The following XYLT1 variants were observed in gnomAD, a reference collection of about 807,000 sequenced individuals.
The protein encoded by XYLT1 is beta-D-xylosyltransferase 1.
Under a neutral mutation model 91.3 loss-of-function variants are expected in XYLT1, and 36 were observed. That is an observed-to-expected ratio of 0.39 (90% CI 0.30 to 0.52). The LOEUF (loss-of-function observed/expected upper bound fraction) is 0.52, where lower values mean the gene tolerates loss of function less well. Among genes scored for constraint, XYLT1 ranks in the 20% least tolerant of loss-of-function variants. XYLT1 has a pLI of 0.68. For missense variants in XYLT1, 1,242 were observed against 1,284.5 expected (o/e 0.97, Z 0.51); for synonymous variants, 588 against 532.0 (o/e 1.11, Z -1.45).
At chr16:17,462,511 C>T (rs936054186) in intron 1 of XYLT1, among the ~76,000 whole-genome samples, 3 of 152,158 alleles carry the variant, frequency 2.0e-5, no homozygotes, top group South Asian at 2.1e-4. Flanking sequence ...TGCGGGCAAA[C>T]GGGTAGTTTC....
chr16:17,131,543 G>A (rs1199432937), intron 9 of XYLT1, among the ~76,000 whole-genome samples: 2 of 152,160 alleles, frequency 1.3e-5, no homozygotes, highest in African/African-American at 4.8e-5. Context: ...AGTGATTCTA[G>A]TGCTTCGTGC....
chr16:17,421,116 A>G (rs1157991677), intron 1 of XYLT1, among the ~76,000 whole-genome samples: 1 of 152,150 alleles, frequency 6.6e-6, no homozygotes, highest in Non-Finnish European at 1.5e-5. Flanking sequence ...TTACAGCTCA[A>G]TCATTAGGAC....
At chr16:17,239,346 C>CATCT (rs2033302839) in intron 3 of XYLT1, among the ~76,000 whole-genome samples, 1 of 150,338 alleles carries the variant, frequency 6.7e-6, no homozygotes. Flanking sequence ...TCCATCCATC[C>CATCT]ACTCACCCAG....
intron 5 of XYLT1, among the ~76,000 whole-genome samples, chr16:17,172,534 T>G (rs1232037056): frequency 1.4e-5 from 2 of 144,502 alleles, no homozygotes; most frequent in African/African-American, 5.1e-5. Context: ...TGCAGTGGCG[T>G]GATCTCGGCT....
chr16:17,280,171 C>A (rs1399494723), intron 2 of XYLT1, among the ~76,000 whole-genome samples: 1 of 152,104 alleles, frequency 6.6e-6, no homozygotes. Flanking sequence ...GACAACATGG[C>A]GAAACCTCGT....
At chr16:17,328,102 G>A (rs138836860) in intron 2 of XYLT1, among the ~76,000 whole-genome samples, 264 of 152,184 alleles carry the variant, frequency 1.7e-3, no homozygotes, top group African/African-American at 6.1e-3. Flanking sequence ...CACAGAGCTC[G>A]GCTGTACAGA....
intron 9 of XYLT1, among the ~76,000 whole-genome samples, chr16:17,131,932 A>C (rs1316850975): frequency 6.6e-6 from 1 of 152,184 alleles, no homozygotes; most frequent in Non-Finnish European, 1.5e-5. Context: ...ACAGCAAGGC[A>C]CCACAGTTCC....
At chr16:17,350,185 T>C (rs151167027) in intron 2 of XYLT1, among the ~76,000 whole-genome samples, 83 of 152,294 alleles carry the variant, frequency 5.4e-4, no homozygotes, top group Non-Finnish European at 9.7e-4. Flanking sequence ...AGAGTGATCA[T>C]TTTAAGTGTT....
At chr16:17,274,372 T>C (rs894611049) in intron 2 of XYLT1, among the ~76,000 whole-genome samples, 2 of 152,158 alleles carry the variant, frequency 1.3e-5, no homozygotes, top group Non-Finnish European at 1.5e-5. Context: ...ATTTGTGACA[T>C]TGAGCAGGGC....
intron 2 of XYLT1, among the ~76,000 whole-genome samples, chr16:17,259,718 C>G (rs975865036): frequency 6.6e-6 from 1 of 152,202 alleles, no homozygotes. Flanking sequence ...AAGGCTTTTT[C>G]AAGCTCTAAA....
chr16:17,390,981 T>A (rs574519913), intron 1 of XYLT1, among the ~76,000 whole-genome samples: 1 of 152,060 alleles, frequency 6.6e-6, no homozygotes, highest in Non-Finnish European at 1.5e-5. Flanking sequence ...GAGGTTGCAG[T>A]GAGACAAGAT....
At chr16:17,229,068 C>G (rs1323273390) in intron 3 of XYLT1, among the ~76,000 whole-genome samples, 1 of 152,216 alleles carries the variant, frequency 6.6e-6, no homozygotes, top group Non-Finnish European at 1.5e-5. Context: ...CTCCCAGGCT[C>G]AAGCAATTCT....
intron 2 of XYLT1, among the ~76,000 whole-genome samples, chr16:17,339,814 T>C (rs1413055431): frequency 6.6e-6 from 1 of 152,100 alleles, no homozygotes; most frequent in Non-Finnish European, 1.5e-5. Context: ...TATCTATCTA[T>C]CCTTTTTTCC....
rs200776935 is a variant in XYLT1, at chr16:17,391,050, AC to A, written c.364-33001del. ...GAGACTCCTTCTCAAAAGAAAAAAA[AC>A]AAAAACAAACAAACAAAAAACCTGA... On this transcript the variant is annotated intron_variant, in intron 1 of 11. Coordinates refer to ENST00000261381, the MANE Select transcript of XYLT1 (RefSeq NM_022166.4). Among the ~76,000 whole-genome samples the A allele has an allele frequency of 8.0e-3, 1,214 of 152,204 alleles. 17 individuals carry two copies. The highest frequency in any genetic ancestry group is 0.027 in the African/African-American group (1,136 of 41,468).
chr16:17,202,121 C>G (rs980848651), intron 3 of XYLT1, among the ~76,000 whole-genome samples: 1 of 152,210 alleles, frequency 6.6e-6, no homozygotes, highest in African/African-American at 2.4e-5. Context: ...ACAATCCCAA[C>G]TAGAAATCTC....
intron 1 of XYLT1, among the ~76,000 whole-genome samples, chr16:17,415,790 C>A (rs890147161): frequency 6.6e-6 from 1 of 152,088 alleles, no homozygotes; most frequent in Admixed American, 6.5e-5. Context: ...AGCAGGAATA[C>A]GAGATTCCAT....
At chr16:17,296,530 G>A (rs6498677) in intron 2 of XYLT1, among the ~76,000 whole-genome samples, 65,795 of 152,050 alleles carry the variant, frequency 0.43, 15,712 homozygotes, top group African/African-American at 0.62. Flanking sequence ...CCAGGGGACA[G>A]GAAATTAGAC....
intron 5 of XYLT1, among the ~76,000 whole-genome samples, chr16:17,184,904 AACAAACAAT>A (rs1424455819): frequency 1.3e-5 from 2 of 152,232 alleles, no homozygotes; most frequent in African/African-American, 4.8e-5. Context: ...ATAGCAAGCA[AACAAACAAT>A]ACAACTAAAA....
At position 17,158,901 on chromosome 16, in the gene XYLT1, T is replaced by C; in HGVS notation, c.1298A>G (p.Asp433Gly). The C allele has an allele frequency of 1.2e-6, 2 of 1,614,136 alleles. No individual in the cohort carries two copies. Among genetic ancestry groups the C allele is most frequent in the Middle Eastern group, 1.6e-4 (1 of 6,062 alleles). ...SAADYPIRTN[D>G]QLVAFLSRYR... ...TCGGGAGAGAAACGCCACCAACTGGTCATTTGTCCTGTGGAAACAAACCAA... is the reference window on the plus strand; with the variant it reads ...TCGGGAGAGAAACGCCACCAACTGGCCATTTGTCCTGTGGAAACAAACCAA... The change falls in exon 6 of 12, where the codon GAC (aspartate) becomes GGC (glycine). Residue 433 changes from aspartate to glycine, a missense_variant. By Grantham distance (94) the Asp-to-Gly change is moderately conservative. Transcript: ENST00000261381.
Sources: allele counts gnomAD v4.1 joint callset (sites outside exome capture counted in the v4.1 genomes callset), GRCh38; gene constraint gnomAD v4.1.1; transcripts MANE v1.5; gene names NCBI Gene and HGNC (gene_info 2026-07-23, HGNC 2026-07-21).